PTPN4: variants seen among roughly 807,000 people sequenced by gnomAD.
The protein encoded by PTPN4 is tyrosine-protein phosphatase non-receptor type 4.
A neutral mutation model predicts 135.5 loss-of-function variants in PTPN4; 49 were observed. That is an observed-to-expected ratio of 0.36 (90% CI 0.29 to 0.46). PTPN4 has a LOEUF of 0.46. PTPN4 is among the 20% of genes least tolerant of loss of function. The pLI is 1.00. For synonymous variants in PTPN4, 333 were observed against 369.9 expected, an observed-to-expected ratio of 0.90 and a Z score of 1.14; for missense variants, 860 against 1,101.0, an observed-to-expected ratio of 0.78 and a Z score of 3.10.
At chr2:119,814,319 A>G (rs1449733440) in intron 2 of PTPN4, among the ~76,000 whole-genome samples, 1 of 152,170 alleles carries the variant, frequency 6.6e-6, no homozygotes, top group Non-Finnish European at 1.5e-5. Context: ...GTACAGTACA[A>G]ATTAATCAGC....
At chr2:119,946,459 A>G (rs1679134440) in intron 17 of PTPN4, 35 bp downstream of exon 17, 1 of 1,590,570 alleles carries the variant, frequency 6.3e-7, no homozygotes, top group Non-Finnish European at 8.6e-7. Context: ...CAGTTTTTAA[A>G]TTAAGATGTT....
At chr2:119,892,376 A>G (rs768082724) in intron 9 of PTPN4, among the ~76,000 whole-genome samples, 4 of 152,218 alleles carry the variant, frequency 2.6e-5, no homozygotes, top group Non-Finnish European at 1.5e-5. Context: ...AGAAATGTGC[A>G]TTTTACTATA....
In PTPN4 at chr2:119,766,476, G is replaced by C. The variant is rs867409274; in HGVS notation, c.-18+6092G>C. Among the ~76,000 whole-genome samples the C allele has an allele frequency of 3.3e-3, 418 of 126,458 alleles. 1 individual carries two copies. Among genetic ancestry groups the C allele is most frequent in the African/African-American group, 5.8e-3 (154 of 26,584 alleles). The allele number at this position is 126,458 out of a possible 152,430, so 83.0% of individuals were successfully genotyped here. On this transcript the variant is annotated intron_variant, in intron 1 of 26. Transcript: ENST00000263708. The stretch of plus-strand genomic sequence containing the variant: ...TGTGTGTGTGTGTGTGTGTGTGTGT[G>C]TGTGTGTCTGTGTGTGTGTGTGTGT...
chr2:119,923,209 T>C (rs1212052300), intron 12 of PTPN4, among the ~76,000 whole-genome samples: 1 of 152,038 alleles, frequency 6.6e-6, no homozygotes, highest in Non-Finnish European at 1.5e-5. Context: ...CCCCTGTCTC[T>C]ACCAAAAGTT....
At chr2:119,858,094 T>C (rs1300329658) in intron 2 of PTPN4, among the ~76,000 whole-genome samples, 1 of 152,232 alleles carries the variant, frequency 6.6e-6, no homozygotes, top group African/African-American at 2.4e-5. Context: ...CCTTCTGCCA[T>C]GATTGTAAGC....
intron 2 of PTPN4, among the ~76,000 whole-genome samples, chr2:119,834,036 G>A (rs1677256563): frequency 6.6e-6 from 1 of 152,082 alleles, no homozygotes; most frequent in Non-Finnish European, 1.5e-5. Context: ...CCTGTTTTCT[G>A]ATTGATATAT....
intron 8 of PTPN4, 54 bp from the exon 9 acceptor site, chr2:119,885,741 T>C: frequency 3.2e-6 from 4 of 1,262,366 alleles, no homozygotes; most frequent in Non-Finnish European, 3.3e-6. Context: ...AATTTAGCCA[T>C]ATTTATTTGA....
At chr2:119,909,865 G>A (rs778704905) in intron 10 of PTPN4, among the ~76,000 whole-genome samples, 13 of 152,112 alleles carry the variant, frequency 8.5e-5, no homozygotes, top group African/African-American at 7.2e-5. Context: ...GAAATAACAA[G>A]AGAACTATTA....
At chr2:119,850,015 T>G (rs1234285988) in intron 2 of PTPN4, among the ~76,000 whole-genome samples, 1 of 152,270 alleles carries the variant, frequency 6.6e-6, no homozygotes, top group Non-Finnish European at 1.5e-5. Context: ...TCTAGGAGGG[T>G]TCTTACTTTA....
intron 1 of PTPN4, among the ~76,000 whole-genome samples, chr2:119,794,573 T>C (rs2104937931): frequency 6.6e-6 from 1 of 152,258 alleles, no homozygotes; most frequent in East Asian, 1.9e-4. Context: ...CGCTGGGGAA[T>C]GCGGTGTGGC....
intron 3 of PTPN4, among the ~76,000 whole-genome samples, chr2:119,864,075 A>G (rs1280987626): frequency 6.6e-6 from 1 of 152,184 alleles, no homozygotes; most frequent in Non-Finnish European, 1.5e-5. Context: ...GAAAGGTTCA[A>G]GTTTTTAAAG....
intron 2 of PTPN4, among the ~76,000 whole-genome samples, chr2:119,834,981 C>CTT (rs1198464430): frequency 6.6e-6 from 1 of 152,138 alleles, no homozygotes. Flanking sequence ...TTTCCACTGA[C>CTT]TTACATATAG....
chr2:119,776,878 A>C (rs1352352675), intron 1 of PTPN4, among the ~76,000 whole-genome samples: 1 of 152,196 alleles, frequency 6.6e-6, no homozygotes, highest in Admixed American at 6.5e-5. Flanking sequence ...AAGTTTTGGG[A>C]AAGTCAAGAG....
At chr2:119,762,315 G>C (rs755464853) in intron 1 of PTPN4, among the ~76,000 whole-genome samples, 2 of 151,712 alleles carry the variant, frequency 1.3e-5, no homozygotes, top group African/African-American at 2.4e-5. Context: ...TACAATTTAC[G>C]TGAGATGGTA....
At chr2:119,887,150 T>C (rs1678171774) in intron 9 of PTPN4, among the ~76,000 whole-genome samples, 1 of 152,130 alleles carries the variant, frequency 6.6e-6, no homozygotes, top group Non-Finnish European at 1.5e-5. Context: ...TATAATAAAG[T>C]TTAAAACAGA....
chr2:119,793,024 G>C (rs558886175), intron 1 of PTPN4, among the ~76,000 whole-genome samples: 2 of 152,202 alleles, frequency 1.3e-5, no homozygotes, highest in South Asian at 2.1e-4. Context: ...CACTGTGTGC[G>C]CATTGTCATT....
At chr2:119,792,951 A>C (rs1247214489) in intron 1 of PTPN4, among the ~76,000 whole-genome samples, 2 of 152,224 alleles carry the variant, frequency 1.3e-5, no homozygotes, top group Non-Finnish European at 2.9e-5. Flanking sequence ...TCACGAGGCA[A>C]ATGGGCAGGG....
At chr2:119,895,842 A>G (rs1211128058) in intron 9 of PTPN4, among the ~76,000 whole-genome samples, 3 of 150,374 alleles carry the variant, frequency 2.0e-5, no homozygotes, top group Non-Finnish European at 4.4e-5. Context: ...GCGTGAACCC[A>G]GGAGGCGGAG....
rs546645339 is a variant in PTPN4 at position 119,867,061 on chromosome 2, T to C, written c.246+4418T>C. Among the ~76,000 whole-genome samples, 18 of 152,220 alleles carry C rather than the reference T, an allele frequency of 1.2e-4. No individual in the cohort carries two copies. In the East Asian group the frequency reaches 3.3e-3, roughly 28 times the overall value. On this transcript the variant is annotated intron_variant, in intron 3 of 26. Transcript: ENST00000263708. ...GAGATCAAGAGTGAAGAAACAGGAATGCTGAATTTGAAGAACTGGAAAAAA... is the reference window on the plus strand; with the variant it reads ...GAGATCAAGAGTGAAGAAACAGGAACGCTGAATTTGAAGAACTGGAAAAAA...
Sources: gnomAD v4.1 joint callset for allele counts (sites outside exome capture counted in the v4.1 genomes callset) on GRCh38, gnomAD v4.1.1 for gene constraint, MANE v1.5 for transcripts, NCBI Gene and HGNC (gene_info 2026-07-23, HGNC 2026-07-21) for gene names.